UBE2G2: variants seen among roughly 807,000 people sequenced by gnomAD.
UBE2G2 encodes the protein ubiquitin-conjugating enzyme E2 G2.
UBE2G2 carries 10 observed loss-of-function variants against 23.0 expected under a neutral mutation model. The ratio of observed to expected loss-of-function variants is 0.43; its 90% CI spans 0.27 to 0.74. The LOEUF is 0.74. UBE2G2 is among the 30% of genes least tolerant of loss of function. The pLI, the probability that UBE2G2 is intolerant of heterozygous loss-of-function variation, is 0.19. For missense variants in UBE2G2, 150 were observed against 218.3 expected (o/e 0.69, Z 1.97); for synonymous variants, 86 against 81.3 (o/e 1.06, Z -0.31).
Position 44,786,124 on chromosome 21 carries a change from A to G in UBE2G2, c.125+1796T>C, listed in dbSNP as rs533374767. Among the ~76,000 whole-genome samples the G allele has an allele frequency of 2.5e-3, 376 of 151,998 alleles. 1 individual carries two copies. Among genetic ancestry groups the G allele is most frequent in the South Asian group, 5.0e-3 (24 of 4,812 alleles). Reference sequence around the variant, plus strand: ...CGACAGGCGCCTTCAACCTCTACACACAGACAGGCCTCCCGCCACTCTGGG... The same window carrying G: ...CGACAGGCGCCTTCAACCTCTACACGCAGACAGGCCTCCCGCCACTCTGGG... On this transcript the variant is annotated intron_variant, in intron 3 of 5. Coordinates refer to ENST00000345496, the MANE Select transcript of UBE2G2 (RefSeq NM_003343.6).
intron 3 of UBE2G2, 50 bp from the exon 4 acceptor site, chr21:44,777,467 G>A (rs1386804039): frequency 5.8e-6 from 9 of 1,559,096 alleles, no homozygotes; most frequent in East Asian, 4.5e-5. Context: ...ATTTTTCAAC[G>A]TCGACCACAA....
At chr21:44,799,161 T>C (rs893101173) in intron 1 of UBE2G2, among the ~76,000 whole-genome samples, 16 of 152,192 alleles carry the variant, frequency 1.1e-4, no homozygotes, top group South Asian at 2.1e-4. Context: ...ATCCAGGTTG[T>C]TTTTCCATCT....
intron 3 of UBE2G2, among the ~76,000 whole-genome samples, chr21:44,781,286 G>A (rs1390811217): frequency 6.6e-6 from 1 of 152,170 alleles, no homozygotes; most frequent in Non-Finnish European, 1.5e-5. Flanking sequence ...CCTCCCTTAC[G>A]CTACAGAATC....
rs1255535253 is a variant in UBE2G2, at chr21:44,771,228, T to C, written c.*149A>G. ...TTTCAGAAGAGAAGCCTGTTTGAAG[T>C]AGGAAAGGTTTGAAAAAAAAAAAAG... On this transcript the variant is annotated 3_prime_UTR_variant, in exon 6 of 6. Coordinates refer to ENST00000345496, the MANE Select transcript of UBE2G2 (RefSeq NM_003343.6). The surrounding 1 kb of genome is among the most constrained non-coding windows in gnomAD (Gnocchi z 4.6). 1.5e-6 allele frequency: 1 copy of C among 653,000 alleles called. No individual in the cohort carries two copies. The highest frequency in any genetic ancestry group is 2.7e-5 in the East Asian group (1 of 37,680). The allele number at this position is 653,000 out of a possible 1,614,324, so 40.5% of individuals were successfully genotyped here. A position where few individuals can be genotyped will look rare whatever the true frequency, so the allele number is the denominator to read the frequency against.
chr21:44,772,875 C>T lies in UBE2G2; in HGVS notation c.385+672G>A, dbSNP rs782410696. On this transcript the variant is annotated intron_variant, in intron 5 of 5. Coordinates refer to ENST00000345496, the MANE Select transcript of UBE2G2 (RefSeq NM_003343.6). The surrounding 1 kb of genome is among the most constrained non-coding windows in gnomAD (Gnocchi z 5.4). ...GGTTACTGCTGCAAGGATGGCCCTT[C>T]GAAGGCACAGCTCACAGGACATCAC... 3.9e-5 allele frequency among the ~76,000 whole-genome samples: 6 copies of T among 152,144 alleles called. No homozygotes were observed. Among genetic ancestry groups the T allele is most frequent in the Non-Finnish European group, 8.8e-5 (6 of 68,020 alleles).
intron 1 of UBE2G2, among the ~76,000 whole-genome samples, chr21:44,795,410 T>C (rs1344438783): frequency 2.0e-5 from 3 of 152,128 alleles, no homozygotes; most frequent in African/African-American, 7.2e-5. Context: ...GACGGGCAGA[T>C]TGCTTGGGCC....
At chr21:44,797,439 G>C (rs1364242316) in intron 1 of UBE2G2, among the ~76,000 whole-genome samples, 3 of 152,152 alleles carry the variant, frequency 2.0e-5, no homozygotes, top group African/African-American at 7.2e-5. Context: ...TGAGAAGGCC[G>C]GGCGTGGTGG....
chr21:44,771,440 G>A lies in UBE2G2; in HGVS notation c.435C>T (p.Arg145=), dbSNP rs200762253. The change falls in exon 6 of 6, where the codon CGC becomes CGT. Residue 145 remains arginine, a synonymous_variant. Transcript: ENST00000345496. This position sits in a 1 kb window ranked among gnomAD's most constrained non-coding sequence, Gnocchi z 4.6. ...GANVDASKMW[R]DDREQFYKIA... is the part of the protein sequence containing the mutation. ...TCTTATAGAACTGCTCCCGGTCATC[G>A]CGCCACATTTTGGACGCATCCACGT... The A allele has an allele frequency of 4.1e-5, 66 of 1,612,950 alleles. No individual in the cohort carries two copies. In the East Asian group the frequency reaches 6.2e-4, roughly 15 times the overall value.
chr21:44,782,743 G>T lies in UBE2G2; in HGVS notation c.125+5177C>A, dbSNP rs544536454. Among the ~76,000 whole-genome samples the T allele has an allele frequency of 3.3e-5, 5 of 152,234 alleles. No homozygotes were observed. The East Asian group carries it at 9.6e-4, about 29-fold the overall frequency. The stretch of plus-strand genomic sequence containing the variant: ...GACAACTGGATAACCACATACAAAA[G>T]AATGAAACAGACTCCCACCTAACTC... On this transcript the variant is annotated intron_variant, in intron 3 of 5. Coordinates refer to ENST00000345496, the MANE Select transcript of UBE2G2 (RefSeq NM_003343.6).
Position 44,769,479 on chromosome 21 carries a change from C to G in UBE2G2, c.*1898G>C, listed in dbSNP as rs2082855172. ...CACTGCAAGCTCCGCCTCCTGGGTT[C>G]ACGCCATTCTCCTGCCTCAGTCTTC... On this transcript the variant is annotated 3_prime_UTR_variant, in exon 6 of 6. Transcript: ENST00000345496. 1.3e-5 allele frequency: 2 copies of G among 149,162 alleles called. No individual in the cohort carries two copies. Among genetic ancestry groups the G allele is most frequent in the Non-Finnish European group, 2.9e-5 (2 of 67,806 alleles). The allele number at this position is 149,162 out of a possible 1,614,324, so 9.2% of individuals were successfully genotyped here. A position where few individuals can be genotyped will look rare whatever the true frequency, so the allele number is the denominator to read the frequency against.
At chr21:44,793,443 A>G (rs1334332265) in intron 1 of UBE2G2, among the ~76,000 whole-genome samples, 1 of 152,202 alleles carries the variant, frequency 6.6e-6, no homozygotes, top group African/African-American at 2.4e-5. Context: ...GGCTCAGCAC[A>G]GAGACCTGCC....
At chr21:44,774,052 C>G in intron 4 of UBE2G2, 1 of 170,554 alleles carries the variant, frequency 5.9e-6, no homozygotes, top group South Asian at 1.7e-4. Flanking sequence ...CAATACTTTT[C>G]AGAGCTAGTT....
chr21:44,772,194 T>C lies in UBE2G2; in HGVS notation c.386-705A>G, dbSNP rs1019836199. Among the ~76,000 whole-genome samples the C allele has an allele frequency of 1.3e-5, 2 of 151,852 alleles. No individual in the cohort carries two copies. The highest frequency in any genetic ancestry group is 4.8e-5 in the African/African-American group (2 of 41,276). On this transcript the variant is annotated intron_variant, in intron 5 of 5. Transcript: ENST00000345496. This position sits in a 1 kb window ranked among gnomAD's most constrained non-coding sequence, Gnocchi z 5.4. ...ACGTGGGGACCGGTTCAGAGCAGAG[T>C]TGATGAGGATAAAACCCACAGCTGA...
At chr21:44,789,113 G>C (rs759858259) in intron 1 of UBE2G2, 3 of 152,106 alleles carry the variant, frequency 2.0e-5, no homozygotes, top group Non-Finnish European at 4.4e-5. Flanking sequence ...GGCCAGGCGC[G>C]GTGGCTCACG....
At chr21:44,781,512 G>A (rs1051553487) in intron 3 of UBE2G2, among the ~76,000 whole-genome samples, 19 of 152,220 alleles carry the variant, frequency 1.2e-4, no homozygotes, top group Non-Finnish European at 2.6e-4. Flanking sequence ...TGCTATGCCA[G>A]GTTGTGCTTG....
intron 1 of UBE2G2, among the ~76,000 whole-genome samples, chr21:44,797,923 G>C (rs376133565): frequency 6.6e-6 from 1 of 152,132 alleles, no homozygotes; most frequent in South Asian, 2.1e-4. Context: ...CCCTCTGTTC[G>C]AGTATGAACA....
chr21:44,797,805 G>C (rs1326688860), intron 1 of UBE2G2, among the ~76,000 whole-genome samples: 2 of 148,784 alleles, frequency 1.3e-5, no homozygotes, highest in Non-Finnish European at 3.0e-5. Context: ...AACTAAAACA[G>C]AGACACAAAC....
chr21:44,796,017 A>G (rs1453506435), intron 1 of UBE2G2, among the ~76,000 whole-genome samples: 1 of 152,234 alleles, frequency 6.6e-6, no homozygotes, highest in African/African-American at 2.4e-5. Flanking sequence ...CGAGCCCTCA[A>G]GAGGAAGAAT....
intron 1 of UBE2G2, among the ~76,000 whole-genome samples, chr21:44,790,955 C>T (rs1169310405): frequency 6.6e-6 from 1 of 152,102 alleles, no homozygotes; most frequent in Non-Finnish European, 1.5e-5. Flanking sequence ...TGCTTTTGAC[C>T]AAAATGCTGA....
Sources: gnomAD v4.1 joint callset for allele counts (sites outside exome capture counted in the v4.1 genomes callset) on GRCh38, gnomAD v4.1.1 for gene constraint, Gnocchi (gnomAD v3.1) non-coding constraint, MANE v1.5 for transcripts, NCBI Gene and HGNC (gene_info 2026-07-23, HGNC 2026-07-21) for gene names.